Variants in GMEB2 observed in about 807,000 individuals in gnomAD.
The protein encoded by GMEB2 is glucocorticoid modulatory element-binding protein 2.
In GMEB2, 7 loss-of-function variants were observed where a neutral mutation model predicts 45.7. The observed-to-expected ratio is 0.15, with a 90% CI of 0.09 to 0.29. GMEB2 has a LOEUF of 0.29. Ranked by LOEUF, GMEB2 falls within the 10% of genes least tolerant of loss-of-function variation. The pLI is 1.00. For synonymous variants in GMEB2, 322 were observed against 323.6 expected (o/e 1.00, Z 0.05); for missense variants, 582 against 739.2 (o/e 0.79, Z 2.47).
chr20:63,618,638 G>A (rs1327478992), intron 2 of GMEB2, among the ~76,000 whole-genome samples: 5 of 152,162 alleles, frequency 3.3e-5, no homozygotes, highest in African/African-American at 4.8e-5. Flanking sequence ...TGAGACCAAC[G>A]GGAAGACTGC....
intron 5 of GMEB2, 111 bp from the exon 6 acceptor site, chr20:63,595,878 C>T (rs1486946379): frequency 5.5e-6 from 5 of 903,406 alleles, no homozygotes; most frequent in South Asian, 4.6e-5. Flanking sequence ...CTAGCAGAGG[C>T]GCTGGCAGCT....
At position 63,594,883 on chromosome 20, in the gene GMEB2, G is replaced by A. The variant is rs373297372; in HGVS notation, c.619+727C>T. On this transcript the variant is annotated intron_variant, in intron 6 of 9. Coordinates refer to ENST00000370077, the MANE Select transcript of GMEB2 (RefSeq NM_012384.5). ...CCTGCCTCAGCCTCCTGAGTAGCTG[G>A]GACTACAGGCATGCACCACCACACC... Among the ~76,000 whole-genome samples the A allele has an allele frequency of 3.3e-5, 5 of 152,096 alleles. No individual in the cohort carries two copies. In the East Asian group the frequency reaches 5.8e-4, roughly 18 times the overall value.
At chr20:63,624,770 C>T (rs965421648) in intron 1 of GMEB2, among the ~76,000 whole-genome samples, 2 of 152,126 alleles carry the variant, frequency 1.3e-5, no homozygotes, top group Non-Finnish European at 1.5e-5. Flanking sequence ...TGCAGTGGCC[C>T]GATCTCGGCT....
chr20:63,590,432 G>A lies in GMEB2; in HGVS notation c.1250C>T (p.Ala417Val), dbSNP rs776965188. The part of the protein sequence containing the change: ...STVLGKGSLQ[A>V]PPASSPASPL... ...GGAGGCCGGGGAGCTGGCGGGGGGC[G>A]CCTGAAGGGAACCCTTGCCCAGGAC... The change falls in exon 10 of 10, where the codon GCG becomes GTG. Residue 417 changes from alanine (A) to valine (V), a missense_variant. Physicochemically the swap from Ala to Val is moderately conservative, Grantham distance 64 (BLOSUM62 0). Around this residue, in one of 3 missense-constraint regions of GMEB2, gnomAD observed 462 missense variants for 586.7 expected, o/e 0.79. Transcript: ENST00000370077. The A allele has an allele frequency of 1.1e-5, 17 of 1,548,676 alleles. No individual in the cohort carries two copies. Among genetic ancestry groups the A allele is most frequent in the East Asian group, 2.3e-5 (1 of 42,936 alleles).
At chr20:63,616,074 T>C (rs1317265574) in intron 2 of GMEB2, among the ~76,000 whole-genome samples, 1 of 152,222 alleles carries the variant, frequency 6.6e-6, no homozygotes, top group Non-Finnish European at 1.5e-5. Flanking sequence ...TTCTACCATA[T>C]ATATTTTGTA....
chr20:63,590,155 G>C lies in GMEB2; in HGVS notation c.1527C>G (p.Pro509=). ...TIVTVPAGAA[P]GPEEHTATIE... ...TGGTGGCCGTGTGCTCCTCAGGCCCGGGGGCAGCCCCTGCGGGCACTGTCA... is the reference window on the plus strand; with the variant it reads ...TGGTGGCCGTGTGCTCCTCAGGCCCCGGGGCAGCCCCTGCGGGCACTGTCA... The change falls in exon 10 of 10, where the codon CCC becomes CCG. Residue 509 remains proline (P), a synonymous_variant. Coordinates refer to ENST00000370077, the MANE Select transcript of GMEB2 (RefSeq NM_012384.5). 1.3e-6 allele frequency: 2 copies of C among 1,574,092 alleles called. No homozygotes were observed. The highest frequency in any genetic ancestry group is 8.6e-7 in the Non-Finnish European group (1 of 1,157,714).
chr20:63,612,051 G>A (rs1413838602), intron 2 of GMEB2, among the ~76,000 whole-genome samples: 1 of 152,176 alleles, frequency 6.6e-6, no homozygotes, highest in Non-Finnish European at 1.5e-5. Flanking sequence ...ACGAGACTCT[G>A]TTTCGAAAAA....
chr20:63,591,676 G>A (rs901511631), intron 9 of GMEB2, among the ~76,000 whole-genome samples: 1 of 152,144 alleles, frequency 6.6e-6, no homozygotes, highest in African/African-American at 2.4e-5. Context: ...CGTTGGCCAG[G>A]CTGGTCTCAA....
intron 2 of GMEB2, 149 bp from the exon 3 acceptor site, chr20:63,604,989 GC>G: frequency 3.4e-6 from 2 of 594,526 alleles, no homozygotes; most frequent in South Asian, 3.6e-5. Context: ...GGTGGCTCAA[GC>G]CTGTAATCCC....
chr20:63,592,210 G>C lies in GMEB2; in HGVS notation c.830-66C>G. The C allele has an allele frequency of 6.6e-7, 1 of 1,506,718 alleles. No homozygotes were observed. The highest frequency in any genetic ancestry group is 1.2e-5 in the South Asian group (1 of 84,232). 93.3% of individuals were successfully genotyped at this position (1,506,718 alleles called of 1,614,324 possible). On this transcript the variant is annotated intron_variant, in intron 8 of 9. Transcript: ENST00000370077. This position sits in a 1 kb window ranked among gnomAD's most constrained non-coding sequence, Gnocchi z 8.2. ...TTCCTAGAGAGCCACGCGGACGCTC[G>C]GTGAGAGCCCGGGACCTTCCTAGAG...
chr20:63,606,022 G>A (rs1430317090), intron 2 of GMEB2, among the ~76,000 whole-genome samples: 1 of 151,732 alleles, frequency 6.6e-6, no homozygotes, highest in Non-Finnish European at 1.5e-5. Context: ...CCCCAGCAAG[G>A]ATTCTATGCT....
chr20:63,602,904 CA>C, intron 4 of GMEB2, 60 bp downstream of exon 4: 1 of 1,522,066 alleles, frequency 6.6e-7, no homozygotes, highest in South Asian at 1.2e-5. Context: ...GCTGCACCCC[CA>C]AAGCAGTCAC....
rs146154563 is a variant in GMEB2, at chr20:63,623,672, C to T, written c.-58+3284G>A. On this transcript the variant is annotated intron_variant, in intron 1 of 9. Coordinates refer to ENST00000370077, the MANE Select transcript of GMEB2 (RefSeq NM_012384.5). ...AATTAGCCGGGCGCGGTGGCAGGTG[C>T]CTGTAATCTCAGCTACTTGGGAGGC... Among the ~76,000 whole-genome samples the T allele has an allele frequency of 5.2e-3, 790 of 152,128 alleles. 5 individuals carry two copies. The highest frequency in any genetic ancestry group is 0.018 in the African/African-American group (749 of 41,490).
At chr20:63,613,866 T>C (rs547221729) in intron 2 of GMEB2, among the ~76,000 whole-genome samples, 79 of 152,282 alleles carry the variant, frequency 5.2e-4, no homozygotes, top group Non-Finnish European at 1.0e-3. Context: ...ACATTTCAAA[T>C]GGGTAACTCC....
chr20:63,603,067 G>A lies in GMEB2; in HGVS notation c.255C>T (p.Asn85=). 6.2e-7 allele frequency: 1 copy of A among 1,613,992 alleles called. No homozygotes were observed. The highest frequency in any genetic ancestry group is 8.5e-7 in the Non-Finnish European group (1 of 1,179,920). The change falls in exon 4 of 10, where the codon AAC becomes AAT. Residue 85 remains asparagine (N), a synonymous_variant. Coordinates refer to ENST00000370077, the MANE Select transcript of GMEB2 (RefSeq NM_012384.5). Reference sequence around the variant, plus strand: ...TGGGGTACACAATCTCAGCTTCCAGGTTCTCCCCCTCTTCAGCCATCTTCA... The same window carrying A: ...TGGGGTACACAATCTCAGCTTCCAGATTCTCCCCCTCTTCAGCCATCTTCA... ...VLVKMAEEGE[N]LEAEIVYPIT... is the part of the protein sequence containing the mutation.
intron 2 of GMEB2, 105 bp from the exon 3 acceptor site, chr20:63,604,945 A>ATCG (rs1281987258): frequency 8.2e-6 from 6 of 735,010 alleles, no homozygotes; most frequent in African/African-American, 5.2e-5. Flanking sequence ...ACACTCTTCT[A>ATCG]ACTGAATTCA....
At position 63,592,759 on chromosome 20, in the gene GMEB2, G is replaced by A. The variant is rs528345011; in HGVS notation, c.692-89C>T. On this transcript the variant is annotated intron_variant, in intron 7 of 9. Transcript: ENST00000370077. This position sits in a 1 kb window ranked among gnomAD's most constrained non-coding sequence, Gnocchi z 8.2. ...GCCACAAGGACATCACCATAGCCAC[G>A]AGGACACCATGCCAGAGCCGGCAGC... 9.1e-6 allele frequency: 10 copies of A among 1,099,008 alleles called. No individual in the cohort carries two copies. Among genetic ancestry groups the A allele is most frequent in the East Asian group, 2.3e-5 (1 of 42,584 alleles). 68.1% of individuals were successfully genotyped at this position (1,099,008 alleles called of 1,614,324 possible).
At position 63,595,610 on chromosome 20, in the gene GMEB2, C is replaced by T. The variant is rs141112706; in HGVS notation, c.619G>A (p.Val207Met). ...YIPLTPAAAD[V>M]NGSPATITIE... ...AGGACGAGCAGCCCTGTGCACCTAC[C>T]GTCGGCTGCGGCGGGCGTGAGGGGA... The change falls in exon 6 of 10, where the codon GTG becomes ATG. Residue 207 changes from valine to methionine, a missense_variant and splice_region_variant. Coordinates refer to ENST00000370077, the MANE Select transcript of GMEB2 (RefSeq NM_012384.5). 11 of 1,604,444 alleles carry T rather than the reference C, an allele frequency of 6.9e-6. No homozygotes were observed. The African/African-American group carries it at 1.5e-4, about 21-fold the overall frequency.
chr20:63,599,406 C>T (rs963476184), intron 4 of GMEB2, among the ~76,000 whole-genome samples: 2 of 152,244 alleles, frequency 1.3e-5, no homozygotes, highest in Admixed American at 1.3e-4. Context: ...CCTCCTATCT[C>T]CGCCTGCAAT....
Sources: allele counts gnomAD v4.1 joint callset (sites outside exome capture counted in the v4.1 genomes callset), GRCh38; gene constraint gnomAD v4.1.1; regional missense constraint gnomAD v4.1.1; non-coding constraint Gnocchi (gnomAD v3.1); transcripts MANE v1.5; gene names NCBI Gene and HGNC (gene_info 2026-07-23, HGNC 2026-07-21).